SCARB2: variants seen among roughly 807,000 people sequenced by gnomAD.
The protein encoded by SCARB2 is scavenger receptor class B member 2.
In SCARB2, 29 loss-of-function variants were observed where a neutral mutation model predicts 58.6. That is an observed-to-expected ratio of 0.49 (90% confidence interval 0.37 to 0.67). SCARB2 has a LOEUF of 0.67. SCARB2 is among the 30% of genes least tolerant of loss of function. The pLI is 0.00. For missense variants in SCARB2, 488 were observed against 578.5 expected (o/e 0.84, Z 1.60); for synonymous variants, 195 against 210.1 (o/e 0.93, Z 0.62).
At position 76,198,841 on chromosome 4, in the gene SCARB2, A is replaced by AGTGTGTGTGT. The variant is rs10545527; in HGVS notation, c.118-2987_118-2978dup. Among the ~76,000 whole-genome samples, 762 of 141,104 alleles carry AGTGTGTGTGT rather than the reference A, an allele frequency of 5.4e-3. 5 individuals are homozygous for AGTGTGTGTGT. The highest frequency in any genetic ancestry group is 0.017 in the Admixed American group (244 of 14,306). The allele number at this position is 141,104 out of a possible 152,430, so 92.6% of individuals were successfully genotyped here. ...TAGATCACGTGCTGGAGAGTGAGTGAGTGTGTGTGTGTGTGTGTGTGTGTG... is the reference window on the plus strand; with the variant it reads ...TAGATCACGTGCTGGAGAGTGAGTGAGTGTGTGTGTGTGTGTGTGTGTGTGTGTGTGTGTG... On this transcript the variant is annotated intron_variant, in intron 1 of 11. Transcript: ENST00000264896.
Position 76,203,409 on chromosome 4 carries a change from T to C in SCARB2, c.118-7545A>G, listed in dbSNP as rs28395462. Among the ~76,000 whole-genome samples, 1,270 of 152,348 alleles carry C rather than the reference T, an allele frequency of 8.3e-3. 15 individuals are homozygous for C. The highest frequency in any genetic ancestry group is 0.029 in the African/African-American group (1,205 of 41,568). On this transcript the variant is annotated intron_variant, in intron 1 of 11. Coordinates refer to ENST00000264896, the MANE Select transcript of SCARB2 (RefSeq NM_005506.4). ...AGAAAGCAGTGTATGAGCAACCATT[T>C]CAGCATATCCATCCCAATATTGGTG... is the stretch of plus-strand genomic sequence containing the variant.
rs1160128595 is a variant in SCARB2, at chr4:76,158,781, T to A, written c.*2932A>T. 3.3e-5 allele frequency: 5 copies of A among 152,228 alleles called. No homozygotes were observed. Among genetic ancestry groups the A allele is most frequent in the African/African-American group, 1.2e-4 (5 of 41,460 alleles). The allele number at this position is 152,228 out of a possible 1,614,324, so 9.4% of individuals were successfully genotyped here. A position where few individuals can be genotyped will look rare whatever the true frequency, so the allele number is the denominator to read the frequency against. ...TTATTAATGAAACATTTCATTGCAT[T>A]AAGGGTAGAAATAAACATGTCAAGA... On this transcript the variant is annotated 3_prime_UTR_variant, in exon 12 of 12. Transcript: ENST00000264896.
intron 4 of SCARB2, 36 bp from the exon 5 acceptor site, chr4:76,176,564 G>T: frequency 2.1e-6 from 3 of 1,432,758 alleles, no homozygotes; most frequent in Non-Finnish European, 2.9e-6. Flanking sequence ...TAAAGTAACT[G>T]TGATAATTTT....
chr4:76,234,267 G>A (rs1560731711), intron 1 of SCARB2: 1 of 152,412 alleles, frequency 6.6e-6, no homozygotes, highest in Admixed American at 6.5e-5. Flanking sequence ...AAAGGCTTAG[G>A]AGCAACAGTG....
In SCARB2 at chr4:76,163,248, T is replaced by G; in HGVS notation, c.1375A>C (p.Lys459Gln). Residue 459 changes from lysine to glutamine, a missense_variant, in exon 11 of 12, where the codon AAA (lysine) becomes CAA (glutamine). Transcript: ENST00000264896. The part of the protein sequence containing the change: ...FGLVFTWLAC[K>Q]GQGSMDEGTA... ...ACCTCATCCATGGATCCCTGTCCTTTGCATGCAAGCCAGGTAAAAACCAAA... is the reference window on the plus strand; with the variant it reads ...ACCTCATCCATGGATCCCTGTCCTTGGCATGCAAGCCAGGTAAAAACCAAA... 6.2e-7 allele frequency: 1 copy of G among 1,614,212 alleles called. No individual in the cohort carries two copies. The highest frequency in any genetic ancestry group is 8.5e-7 in the Non-Finnish European group (1 of 1,180,034).
intron 10 of SCARB2, chr4:76,165,028 C>G (rs1731973001): frequency 6.6e-6 from 1 of 152,128 alleles, no homozygotes; most frequent in Non-Finnish European, 1.5e-5. Context: ...CCACTCCACA[C>G]ACCTGGACTT....
At chr4:76,201,002 C>T (rs981327218) in intron 1 of SCARB2, among the ~76,000 whole-genome samples, 3 of 152,218 alleles carry the variant, frequency 2.0e-5, no homozygotes, top group Non-Finnish European at 2.9e-5. Flanking sequence ...ATACTCCACC[C>T]CTGCTCAAAG....
chr4:76,167,053 T>C (rs1366474249), intron 9 of SCARB2, among the ~76,000 whole-genome samples: 2 of 152,202 alleles, frequency 1.3e-5, no homozygotes, highest in Admixed American at 1.3e-4. Flanking sequence ...TCACTCAACA[T>C]TATATCATAA....
upstream of SCARB2, chr4:76,214,068 GC>G (rs965728236): frequency 1.7e-4 from 59 of 345,992 alleles, no homozygotes; most frequent in Non-Finnish European, 2.8e-4. Context: ...CCCAGCGCTC[GC>G]CCCACCGAAA....
At chr4:76,193,167 G>A (rs922878192) in intron 2 of SCARB2, 11 of 152,262 alleles carry the variant, frequency 7.2e-5, no homozygotes, top group Admixed American at 3.9e-4. Flanking sequence ...TCCTCTGGAG[G>A]GTGCAAGCCA....
At chr4:76,174,935 GC>G in intron 6 of SCARB2, 1 of 156,148 alleles carries the variant, frequency 6.4e-6, no homozygotes, top group Admixed American at 6.2e-5. Flanking sequence ...TGCTTACACT[GC>G]ATAGTGCCTA....
rs937962496 is a variant in SCARB2, at chr4:76,158,948, A to C, written c.*2765T>G. 2 of 152,226 alleles carry C rather than the reference A, an allele frequency of 1.3e-5. No homozygotes were observed. The highest frequency in any genetic ancestry group is 4.8e-5 in the African/African-American group (2 of 41,456). 9.4% of individuals were successfully genotyped at this position (152,226 alleles called of 1,614,324 possible). A position where few individuals can be genotyped will look rare whatever the true frequency, so the allele number is the denominator to read the frequency against. ...CTTTTGCAGAACTCATATCTCGAGC[A>C]GTTTAAATTAAAAATTAGCCTCCCT... is the stretch of plus-strand genomic sequence containing the variant. On this transcript the variant is annotated 3_prime_UTR_variant, in exon 12 of 12. Transcript: ENST00000264896.
chr4:76,233,585 C>T (rs995383127), intron 1 of SCARB2, among the ~76,000 whole-genome samples: 8 of 11,606 alleles, frequency 6.9e-4, no homozygotes, highest in East Asian at 8.5e-3. Flanking sequence ...CACACACACA[C>T]GCACACACAC....
chr4:76,184,962 T>A lies in SCARB2; in HGVS notation c.276-3861A>T, dbSNP rs118157466. ...TTTCCTTGATTCTGTTAACCTACTTTATAGCCTTCAAATAGATTCCCGTTT... is the reference window on the plus strand; with the variant it reads ...TTTCCTTGATTCTGTTAACCTACTTAATAGCCTTCAAATAGATTCCCGTTT... On this transcript the variant is annotated intron_variant, in intron 2 of 11. Transcript: ENST00000264896. 3.3e-3 allele frequency among the ~76,000 whole-genome samples: 498 copies of A among 152,312 alleles called. 9 individuals carry two copies. The highest frequency in any genetic ancestry group is 0.017 in the East Asian group (87 of 5,186).
At chr4:76,225,154 A>AAT (rs768459903) in intron 1 of SCARB2, among the ~76,000 whole-genome samples, 96 of 152,220 alleles carry the variant, frequency 6.3e-4, no homozygotes, top group Admixed American at 2.9e-3. Flanking sequence ...TTCCATAGTA[A>AAT]ATATATATAC....
At chr4:76,180,643 A>G (rs1038439778) in intron 3 of SCARB2, 1 of 169,314 alleles carries the variant, frequency 5.9e-6, no homozygotes, top group African/African-American at 2.4e-5. Context: ...CATTTTTAAA[A>G]TTATTAGCTA....
At chr4:76,189,603 C>G (rs1302415378) in intron 2 of SCARB2, among the ~76,000 whole-genome samples, 1 of 152,000 alleles carries the variant, frequency 6.6e-6, no homozygotes. Flanking sequence ...CTGCCTTAGC[C>G]GGTGTGTGCC....
chr4:76,177,564 C>A (rs936272218), intron 4 of SCARB2, among the ~76,000 whole-genome samples: 3 of 152,110 alleles, frequency 2.0e-5, no homozygotes, highest in Non-Finnish European at 4.4e-5. Context: ...CATATAAAAG[C>A]TTGTATGAAC....
intron 1 of SCARB2, among the ~76,000 whole-genome samples, chr4:76,231,552 A>G (rs1182719851): frequency 6.6e-6 from 1 of 152,034 alleles, no homozygotes; most frequent in Admixed American, 6.6e-5. Context: ...ACAAATCATG[A>G]CAGGACTGAG....
Sources: gnomAD v4.1 joint callset for allele counts (sites outside exome capture counted in the v4.1 genomes callset) on GRCh38, gnomAD v4.1.1 for gene constraint, MANE v1.5 for transcripts, NCBI Gene and HGNC (gene_info 2026-07-23, HGNC 2026-07-21) for gene names.